OR2V2: variants seen among roughly 807,000 people sequenced by gnomAD.
OR2V2 encodes olfactory receptor 2V2.
For missense variants in OR2V2, 392 were observed against 392.2 expected, an observed-to-expected ratio of 1.00 and a Z score of 0.00; for synonymous variants, 161 against 151.3, an observed-to-expected ratio of 1.06 and a Z score of -0.47.
chr5:181,152,336 G>T (rs537671091), intron 1 of OR2V2, among the ~76,000 whole-genome samples: 3 of 152,336 alleles, frequency 2.0e-5, no homozygotes, highest in East Asian at 3.9e-4. Context: ...TCCTGAGGGG[G>T]TAAGCCGCCT....
At chr5:181,149,693 T>G (rs1763169474) in intron 1 of OR2V2, among the ~76,000 whole-genome samples, 1 of 152,190 alleles carries the variant, frequency 6.6e-6, no homozygotes, top group Non-Finnish European at 1.5e-5. Context: ...CACAGAGAGA[T>G]GGACACGGCC....
At chr5:181,148,067 C>G (rs1197691675) in intron 1 of OR2V2, 72 bp downstream of exon 1, 20 of 398,814 alleles carry the variant, frequency 5.0e-5, no homozygotes, top group East Asian at 2.1e-4. Context: ...TGGTTCACGT[C>G]CCCATTTGTC....
rs762167301 is a variant in OR2V2 at position 181,155,363 on chromosome 5, G to A, written c.421G>A (p.Val141Ile). Residue 141 changes from valine to isoleucine, a missense_variant, in exon 2 of 2, where the codon GTC becomes ATC. Coordinates refer to ENST00000641492, the MANE Select transcript of OR2V2 (RefSeq NM_206880.2). The part of the protein sequence containing the change: ...LHYPILMNQR[V>I]CLQITGSSWA... ...CTATCCCATCCTCATGAATCAGAGG[G>A]TCTGTCTCCAGATTACTGGGAGCTC... 2.5e-6 allele frequency: 4 copies of A among 1,614,190 alleles called. No individual in the cohort carries two copies. The highest frequency in any genetic ancestry group is 4.5e-5 in the East Asian group (2 of 44,890).
chr5:181,148,345 G>C (rs1763151208), intron 1 of OR2V2, among the ~76,000 whole-genome samples: 2 of 152,140 alleles, frequency 1.3e-5, no homozygotes, highest in South Asian at 4.1e-4. Flanking sequence ...TGTGTGGGGA[G>C]TGCGAAGGTG....
intron 1 of OR2V2, among the ~76,000 whole-genome samples, chr5:181,148,391 G>A (rs1016420596): frequency 6.6e-6 from 1 of 152,130 alleles, no homozygotes; most frequent in Non-Finnish European, 1.5e-5. Flanking sequence ...GTGGGACGGG[G>A]TCCTCTCATC....
chr5:181,150,033 T>C (rs1281242162), intron 1 of OR2V2, among the ~76,000 whole-genome samples: 1 of 152,192 alleles, frequency 6.6e-6, no homozygotes, highest in Non-Finnish European at 1.5e-5. Flanking sequence ...ACCTGGTTTG[T>C]TTTGCTGGTT....
intron 1 of OR2V2, among the ~76,000 whole-genome samples, chr5:181,149,118 G>T (rs1763162030): frequency 6.6e-6 from 1 of 152,182 alleles, no homozygotes; most frequent in Admixed American, 6.5e-5. Context: ...GTAGCCTGGG[G>T]TGGGGGACTA....
intron 1 of OR2V2, among the ~76,000 whole-genome samples, chr5:181,152,463 G>A (rs1348708724): frequency 2.0e-5 from 3 of 152,152 alleles, no homozygotes; most frequent in Non-Finnish European, 4.4e-5. Flanking sequence ...GCTGAAGAGT[G>A]GCATTGGTGT....
rs142784713 is a variant in OR2V2 at position 181,155,758 on chromosome 5, C to T, written c.816C>T (p.Asp272=). 4.0e-5 allele frequency: 64 copies of T among 1,614,182 alleles called. No individual in the cohort carries two copies. The Middle Eastern group carries it at 5.0e-4, about 12-fold the overall frequency. ...RPRHYRAPSH[D]KVASIFYTVL... is the part of the protein sequence containing the mutation. ...GGCACTACCGGGCCCCCAGCCATGA[C>T]AAGGTGGCCTCTATCTTCTACACGG... The change falls in exon 2 of 2, where the codon GAC becomes GAT. Residue 272 remains aspartate (D), a synonymous_variant. Transcript: ENST00000641492.
At chr5:181,152,114 TCA>T (rs1411443428) in intron 1 of OR2V2, among the ~76,000 whole-genome samples, 1 of 152,084 alleles carries the variant, frequency 6.6e-6, no homozygotes, top group Non-Finnish European at 1.5e-5. Flanking sequence ...GCCACAGTAC[TCA>T]CATCCATTTT....
chr5:181,152,342 C>T (rs936098746), intron 1 of OR2V2, among the ~76,000 whole-genome samples: 3 of 152,168 alleles, frequency 2.0e-5, no homozygotes, highest in African/African-American at 4.8e-5. Flanking sequence ...GGGGGTAAGC[C>T]GCCTTATCTT....
chr5:181,154,831 T>G (rs1763236453), intron 1 of OR2V2, 88 bp from the exon 2 acceptor site: 1 of 770,012 alleles, frequency 1.3e-6, no homozygotes, highest in South Asian at 1.6e-5. Context: ...TCTAATGAGT[T>G]GCACACAACA....
At position 181,157,960 on chromosome 5, in the gene OR2V2, G is replaced by A. The variant is rs898232746; in HGVS notation, c.*2070G>A. 7 of 152,096 alleles carry A rather than the reference G, an allele frequency of 4.6e-5. No individual in the cohort carries two copies. The highest frequency in any genetic ancestry group is 1.7e-4 in the African/African-American group (7 of 41,402). The allele number at this position is 152,096 out of a possible 1,614,324, so 9.4% of individuals were successfully genotyped here. Reference sequence around the variant, plus strand: ...GCCCCCTTCCGTGATGCAGAATTTTGGATCATAATCACCCAAGCAAAAGTT... The same window carrying A: ...GCCCCCTTCCGTGATGCAGAATTTTAGATCATAATCACCCAAGCAAAAGTT... On this transcript the variant is annotated 3_prime_UTR_variant, in exon 2 of 2. Coordinates refer to ENST00000641492, the MANE Select transcript of OR2V2 (RefSeq NM_206880.2).
chr5:181,154,925 A>C lies in OR2V2; in HGVS notation c.-18A>C. On this transcript the variant is annotated 5_prime_UTR_variant, in exon 2 of 2. Transcript: ENST00000641492. The stretch of plus-strand genomic sequence containing the variant: ...ATCTTGTCCATATTCTCAGGTGACC[A>C]GGAGCAACAACCGAGCCATGGAGAC... 6.4e-7 allele frequency: 1 copy of C among 1,567,456 alleles called. No homozygotes were observed. Among genetic ancestry groups the C allele is most frequent in the South Asian group, 1.1e-5 (1 of 90,000 alleles).
In OR2V2 at chr5:181,155,407, C is replaced by G. The variant is rs149585637; in HGVS notation, c.465C>G (p.Ile155Met). 506 of 1,614,192 alleles carry G rather than the reference C, an allele frequency of 3.1e-4. 1 individual carries two copies. The African/African-American group carries it at 6.1e-3, about 20-fold the overall frequency. Residue 155 changes from isoleucine to methionine, a missense_variant, in exon 2 of 2, where the codon ATC (isoleucine) becomes ATG (methionine). By Grantham distance (10) the Ile-to-Met change is conservative (BLOSUM62 1). Coordinates refer to ENST00000641492, the MANE Select transcript of OR2V2 (RefSeq NM_206880.2). ...GGAGCTCCTGGGCCTTTGGGATAAT[C>G]GATGGCTTGATCCAGATGGTGGTAG... ...ITGSSWAFGI[I>M]DGLIQMVVVM...
chr5:181,152,232 A>G (rs993808934), intron 1 of OR2V2, among the ~76,000 whole-genome samples: 1 of 152,240 alleles, frequency 6.6e-6, no homozygotes, highest in Non-Finnish European at 1.5e-5. Context: ...TGCACAGCCC[A>G]TGTTTAGTAA....
intron 1 of OR2V2, among the ~76,000 whole-genome samples, chr5:181,150,395 T>A (rs1321188232): frequency 1.3e-5 from 2 of 152,182 alleles, no homozygotes; most frequent in Non-Finnish European, 2.9e-5. Flanking sequence ...CTCACCCTTG[T>A]CTTTTGTAAA....
At position 181,155,686 on chromosome 5, in the gene OR2V2, T is replaced by G. The variant is rs1342510427; in HGVS notation, c.744T>G (p.Ala248=). The G allele has an allele frequency of 6.2e-7, 1 of 1,614,230 alleles. No individual in the cohort carries two copies. The highest frequency in any genetic ancestry group is 8.5e-7 in the Non-Finnish European group (1 of 1,180,044). Residue 248 remains alanine, a synonymous_variant, in exon 2 of 2, where the codon GCT becomes GCG. Coordinates refer to ENST00000641492, the MANE Select transcript of OR2V2 (RefSeq NM_206880.2). The part of the protein sequence containing the change: ...ALATCSSHLT[A]VTLFYGAAMF... ...CCACCTGCTCCTCCCACCTGACAGC[T>G]GTCACCCTCTTCTATGGGGCAGCCA...
intron 1 of OR2V2, among the ~76,000 whole-genome samples, chr5:181,151,471 A>G (rs1763189752): frequency 6.6e-6 from 1 of 152,194 alleles, no homozygotes; most frequent in South Asian, 2.1e-4. Context: ...CCTCAGCAGC[A>G]CATGCATTGT....
Sources: gnomAD v4.1 joint callset for allele counts (sites outside exome capture counted in the v4.1 genomes callset) on GRCh38, gnomAD v4.1.1 for gene constraint, MANE v1.5 for transcripts, NCBI Gene and HGNC (gene_info 2026-07-23, HGNC 2026-07-21) for gene names.